STK32B: variants seen among roughly 807,000 people sequenced by gnomAD.
STK32B encodes serine/threonine-protein kinase 32B.
A neutral mutation model predicts 52.6 loss-of-function variants in STK32B; 43 were observed. The observed-to-expected ratio is 0.82, with a 90% CI of 0.64 to 1.05. STK32B has a LOEUF of 1.05. Ranked by LOEUF, STK32B falls within the 50% of genes least tolerant of loss-of-function variation. The pLI is 0.00. For missense variants in STK32B, 621 were observed against 534.6 expected (o/e 1.16, Z -1.59); for synonymous variants, 238 against 204.3 (o/e 1.17, Z -1.41).
chr4:5,063,201 C>T (rs1382712172), intron 1 of STK32B, among the ~76,000 whole-genome samples: 1 of 152,208 alleles, frequency 6.6e-6, no homozygotes. Context: ...TATTAATTTA[C>T]ACTCTGGCAA....
At position 5,178,704 on chromosome 4, in the gene STK32B, G is replaced by A. The variant is rs149983930; in HGVS notation, c.260+10254G>A. On this transcript the variant is annotated intron_variant, in intron 3 of 11. Coordinates refer to ENST00000282908, the MANE Select transcript of STK32B (RefSeq NM_018401.3). The stretch of plus-strand genomic sequence containing the variant: ...AAGTTCCACAGATCTCTAGGGCAAG[G>A]GCAACATGCTGACAGTCTCTTTGCT... Among the ~76,000 whole-genome samples, 54 of 152,274 alleles carry A rather than the reference G, an allele frequency of 3.5e-4. No homozygotes were observed. The East Asian group carries it at 0.01, about 28-fold the overall frequency.
At chr4:5,102,207 A>T (rs1239523937) in intron 1 of STK32B, among the ~76,000 whole-genome samples, 1 of 152,172 alleles carries the variant, frequency 6.6e-6, no homozygotes, top group Non-Finnish European at 1.5e-5. Context: ...AAATGCAGGT[A>T]GTTGTATCTG....
Position 5,500,647 on chromosome 4 carries a change from G to GGTT in STK32B, c.*1565_*1567dup, listed in dbSNP as rs1348047236. 3 of 152,052 alleles carry GGTT rather than the reference G, an allele frequency of 2.0e-5. No homozygotes were observed. The highest frequency in any genetic ancestry group is 2.9e-5 in the Non-Finnish European group (2 of 68,010). 9.4% of individuals were successfully genotyped at this position (152,052 alleles called of 1,614,324 possible). A position where few individuals can be genotyped will look rare whatever the true frequency, so the allele number is the denominator to read the frequency against. Reference sequence around the variant, plus strand: ...TAAAAGACATTTTAATGTATGGTTAGGTTTTATATTTTTATTTTTTAAAAA... The same window carrying GGTT: ...TAAAAGACATTTTAATGTATGGTTAGGTTGTTTTATATTTTTATTTTTTAAAAA... On this transcript the variant is annotated 3_prime_UTR_variant, in exon 12 of 12. Transcript: ENST00000282908.
chr4:5,436,652 A>C, intron 6 of STK32B: 1 of 985,404 alleles, frequency 1.0e-6, no homozygotes, highest in Non-Finnish European at 1.2e-6. Flanking sequence ...AAAGCTGAGG[A>C]AGGGAGGGTA....
chr4:5,397,681 T>G (rs1737007077), intron 4 of STK32B, among the ~76,000 whole-genome samples: 1 of 152,256 alleles, frequency 6.6e-6, no homozygotes, highest in Non-Finnish European at 1.5e-5. Flanking sequence ...GTTTTGTTTT[T>G]ACAGTGCTTT....
chr4:5,086,360 C>T (rs1477402955), intron 1 of STK32B, among the ~76,000 whole-genome samples: 1 of 152,114 alleles, frequency 6.6e-6, no homozygotes, highest in Non-Finnish European at 1.5e-5. Flanking sequence ...TGGAAGATTT[C>T]TTGGTTCTAA....
intron 1 of STK32B, among the ~76,000 whole-genome samples, chr4:5,083,093 C>T (rs1712527149): frequency 6.6e-6 from 1 of 152,168 alleles, no homozygotes; most frequent in Admixed American, 6.5e-5. Flanking sequence ...TAGTGCATAT[C>T]ACTGTCTCTG....
intron 2 of STK32B, among the ~76,000 whole-genome samples, chr4:5,145,693 T>C (rs1450446182): frequency 6.6e-6 from 1 of 152,222 alleles, no homozygotes; most frequent in Non-Finnish European, 1.5e-5. Flanking sequence ...TTGCTATTGT[T>C]TAAAAAATGG....
chr4:5,195,744 C>T (rs373095434), intron 3 of STK32B, among the ~76,000 whole-genome samples: 18 of 152,126 alleles, frequency 1.2e-4, no homozygotes, highest in African/African-American at 4.1e-4. Flanking sequence ...CTGTGACGTC[C>T]TGGAAAAGAA....
At chr4:5,134,051 C>T (rs867457605) in intron 1 of STK32B, among the ~76,000 whole-genome samples, 1 of 152,178 alleles carries the variant, frequency 6.6e-6, no homozygotes, top group Non-Finnish European at 1.5e-5. Context: ...GGACCTCTCT[C>T]TGCTGCAGCC....
chr4:5,377,560 A>T (rs1735661129), intron 4 of STK32B, among the ~76,000 whole-genome samples: 2 of 152,194 alleles, frequency 1.3e-5, no homozygotes, highest in Non-Finnish European at 2.9e-5. Context: ...ATATCCAGTG[A>T]TATGGTTCGC....
chr4:5,472,852 T>A (rs939080019), intron 11 of STK32B, among the ~76,000 whole-genome samples: 20 of 152,160 alleles, frequency 1.3e-4, no homozygotes, highest in African/African-American at 4.6e-4. Flanking sequence ...TAATCTAGGG[T>A]TTCTCAACCT....
intron 1 of STK32B, among the ~76,000 whole-genome samples, chr4:5,054,093 C>T (rs934095656): frequency 4.6e-5 from 7 of 152,176 alleles, no homozygotes; most frequent in Non-Finnish European, 1.0e-4. Context: ...CAGTATGTCT[C>T]TCACACGTTT....
At chr4:5,050,825 C>T (rs187399678), upstream of STK32B, among the ~76,000 whole-genome samples, 102 of 152,244 alleles carry the variant, frequency 6.7e-4, no homozygotes, top group Middle Eastern at 6.8e-3. Flanking sequence ...CGCAGGAGCC[C>T]AGGGACCCTC....
chr4:5,187,298 C>A (rs1165415863), intron 3 of STK32B, among the ~76,000 whole-genome samples: 1 of 152,212 alleles, frequency 6.6e-6, no homozygotes, highest in African/African-American at 2.4e-5. Flanking sequence ...TGAACCAGGA[C>A]TCTCTTGGTC....
rs73081669 is a variant in STK32B, at chr4:5,252,891, C to T, written c.261-78329C>T. Among the ~76,000 whole-genome samples the T allele has an allele frequency of 7.8e-3, 1,186 of 152,108 alleles. 12 individuals carry two copies. The highest frequency in any genetic ancestry group is 0.026 in the African/African-American group (1,090 of 41,510). ...CCATTGAGTAAGGGCTGAGTATGTGCGAGATTCTCTCCCCTTGTCTCACCA... is the reference window on the plus strand; with the variant it reads ...CCATTGAGTAAGGGCTGAGTATGTGTGAGATTCTCTCCCCTTGTCTCACCA... On this transcript the variant is annotated intron_variant, in intron 3 of 11. Coordinates refer to ENST00000282908, the MANE Select transcript of STK32B (RefSeq NM_018401.3).
intron 1 of STK32B, among the ~76,000 whole-genome samples, chr4:5,128,158 C>T (rs576698524): frequency 1.6e-4 from 24 of 152,352 alleles, no homozygotes; most frequent in African/African-American, 5.5e-4. Flanking sequence ...CTAGCACCTT[C>T]ACAGGGAGCA....
intron 3 of STK32B, among the ~76,000 whole-genome samples, chr4:5,240,582 C>T (rs1008087484): frequency 6.6e-6 from 1 of 152,122 alleles, no homozygotes; most frequent in African/African-American, 2.4e-5. Flanking sequence ...GCCTCAGCCT[C>T]CCAAAGAGCT....
intron 6 of STK32B, chr4:5,436,658 G>A: frequency 1.0e-6 from 1 of 985,374 alleles, no homozygotes; most frequent in Non-Finnish European, 1.2e-6. Context: ...GAGGAAGGGA[G>A]GGTACACGCG....
Sources: allele counts gnomAD v4.1 joint callset (sites outside exome capture counted in the v4.1 genomes callset), GRCh38; gene constraint gnomAD v4.1.1; transcripts MANE v1.5; gene names NCBI Gene and HGNC (gene_info 2026-07-23, HGNC 2026-07-21).